Variants in ZBTB1 observed in about 807,000 individuals in gnomAD.
ZBTB1 encodes zinc finger and BTB domain containing 1, also known as zinc finger and BTB domain-containing protein 1.
In ZBTB1, 13 loss-of-function variants were observed where a neutral mutation model predicts 51.6. The ratio of observed to expected loss-of-function variants is 0.25; its 90% confidence interval spans 0.16 to 0.40. ZBTB1 has a LOEUF of 0.40. Ranked by LOEUF, ZBTB1 falls within the 10% of genes least tolerant of loss-of-function variation. ZBTB1 has a pLI of 1.00. For synonymous variants in ZBTB1, 240 were observed against 282.2 expected (o/e 0.85, Z 1.50); for missense variants, 567 against 856.5 (o/e 0.66, Z 4.22).
chr14:64,512,085 G>GT (rs1202002817), intron 1 of ZBTB1, among the ~76,000 whole-genome samples: 2 of 152,122 alleles, frequency 1.3e-5, no homozygotes, highest in Non-Finnish European at 2.9e-5. Context: ...TCTATAAACT[G>GT]TAATTATGAC....
chr14:64,522,676 GA>G lies in ZBTB1; in HGVS notation c.1174del (p.Met392CysfsTer3), dbSNP rs769707462. On this transcript the variant is annotated frameshift_variant, in exon 2 of 2. Coordinates refer to ENST00000683701, the MANE Select transcript of ZBTB1 (RefSeq NM_001123329.2). LOFTEE classifies it high-confidence loss of function. ...KKSGRKTLKP[R>X]MSVSADERGG... ...AGTGGTAGGAAAACTCTAAAACCTC[GA>G]ATGTCAGTAAGTGCTGATGAAAGAG... The G allele has an allele frequency of 6.2e-7, 1 of 1,614,120 alleles. No individual in the cohort carries two copies. Among genetic ancestry groups the G allele is most frequent in the South Asian group, 1.1e-5 (1 of 91,074 alleles).
At chr14:64,504,498 G>A (rs574558620), upstream of ZBTB1, 6 of 162,132 alleles carry the variant, frequency 3.7e-5, no homozygotes, top group South Asian at 6.1e-4. Flanking sequence ...CTTGAGAGGG[G>A]CAAGAGGGGT....
intron 1 of ZBTB1, among the ~76,000 whole-genome samples, chr14:64,517,781 A>ATATATATATATATATT (rs1160337478): frequency 4.8e-5 from 2 of 41,550 alleles, no homozygotes; most frequent in African/African-American, 1.8e-4. Flanking sequence ...ATATATATAT[A>ATATATATATATATATT]TTTTTTTTTT....
At chr14:64,506,622 C>T (rs571499344) in intron 1 of ZBTB1, among the ~76,000 whole-genome samples, 19 of 152,328 alleles carry the variant, frequency 1.2e-4, no homozygotes, top group African/African-American at 4.3e-4. Flanking sequence ...AACATAACGT[C>T]TACAGTAGAG....
rs1305321179 is a variant in ZBTB1 at position 64,523,601 on chromosome 14, A to G, written c.2097A>G (p.Lys699=). 2 of 1,551,890 alleles carry G rather than the reference A, an allele frequency of 1.3e-6. No individual in the cohort carries two copies. Among genetic ancestry groups the G allele is most frequent in the African/African-American group, 1.4e-5 (1 of 73,062 alleles). ...GTGGAGCAAAATTTAATTTGAGGAA[A>G]GATATGAGATCACATTATAATGCCA... ...GICGAKFNLR[K]DMRSHYNAKH... is the part of the protein sequence containing the mutation. Residue 699 remains lysine, a synonymous_variant, in exon 2 of 2, where the codon AAA becomes AAG. Transcript: ENST00000683701. The surrounding 1 kb of genome is among the most constrained non-coding windows in gnomAD (Gnocchi z 4.5).
intron 1 of ZBTB1, among the ~76,000 whole-genome samples, chr14:64,519,595 C>G (rs1331129728): frequency 1.3e-5 from 2 of 148,610 alleles, no homozygotes; most frequent in Non-Finnish European, 3.0e-5. Flanking sequence ...AAGACCTTGT[C>G]TTTACTAAAA....
At position 64,522,424 on chromosome 14, in the gene ZBTB1, T is replaced by G. The variant is rs1248842017; in HGVS notation, c.920T>G (p.Val307Gly). The G allele has an allele frequency of 6.2e-7, 1 of 1,613,794 alleles. No individual in the cohort carries two copies. Residue 307 changes from valine to glycine, a missense_variant, in exon 2 of 2, where the codon GTG (valine) becomes GGG (glycine). Coordinates refer to ENST00000683701, the MANE Select transcript of ZBTB1 (RefSeq NM_001123329.2). Reference protein sequence around the residue: ...STTGSRKSSTVESEIASEEKS... With the variant: ...STTGSRKSSTGESEIASEEKS... ...ACTGGAAGCAGAAAAAGTAGCACAGTGGAGTCTGAAATAGCAAGCGAAGAG... is the reference window on the plus strand; with the variant it reads ...ACTGGAAGCAGAAAAAGTAGCACAGGGGAGTCTGAAATAGCAAGCGAAGAG...
At chr14:64,516,713 T>C (rs2079790265) in intron 1 of ZBTB1, 1 of 152,254 alleles carries the variant, frequency 6.6e-6, no homozygotes, top group Non-Finnish European at 1.5e-5. Context: ...GTGCTACTGC[T>C]GATGATCAAC....
chr14:64,525,705 A>G (rs186373393), downstream of ZBTB1, among the ~76,000 whole-genome samples: 1 of 152,296 alleles, frequency 6.6e-6, no homozygotes, highest in East Asian at 1.9e-4. Flanking sequence ...TAGTCTTTTG[A>G]TATGTACTAA....
chr14:64,528,524 A>G (rs191294095), downstream of ZBTB1, among the ~76,000 whole-genome samples: 2 of 152,250 alleles, frequency 1.3e-5, no homozygotes, highest in Admixed American at 6.5e-5. Context: ...CTGGGGGAAC[A>G]TACCCTTGTA....
chr14:64,515,357 C>T (rs1329738840), intron 1 of ZBTB1, among the ~76,000 whole-genome samples: 1 of 152,208 alleles, frequency 6.6e-6, no homozygotes, highest in East Asian at 1.9e-4. Context: ...AGCTGAAATA[C>T]AAGCTGTCCA....
intron 1 of ZBTB1, among the ~76,000 whole-genome samples, chr14:64,510,652 G>C (rs1177627675): frequency 6.6e-6 from 1 of 152,196 alleles, no homozygotes; most frequent in African/African-American, 2.4e-5. Context: ...TATGTTGCTT[G>C]AACATGAAGT....
chr14:64,514,573 T>C (rs1206875600), intron 1 of ZBTB1, among the ~76,000 whole-genome samples: 1 of 152,224 alleles, frequency 6.6e-6, no homozygotes, highest in Non-Finnish European at 1.5e-5. Flanking sequence ...AGGAAAAATA[T>C]TTCTGAAATC....
intron 2 of ZBTB1, among the ~76,000 whole-genome samples, chr14:64,530,749 A>C (rs1326116883): frequency 1.3e-5 from 2 of 152,222 alleles, no homozygotes; most frequent in Non-Finnish European, 2.9e-5. Flanking sequence ...GAAGTCAATT[A>C]GTAGTGTCAA....
intron 1 of ZBTB1, among the ~76,000 whole-genome samples, chr14:64,512,512 T>C (rs2079735840): frequency 6.6e-6 from 1 of 152,234 alleles, no homozygotes; most frequent in Non-Finnish European, 1.5e-5. Context: ...TATAGCTCCA[T>C]TATGTCTTTA....
At chr14:64,506,785 G>T (rs568868754) in intron 1 of ZBTB1, among the ~76,000 whole-genome samples, 1 of 152,264 alleles carries the variant, frequency 6.6e-6, no homozygotes, top group East Asian at 1.9e-4. Flanking sequence ...CTTTTTTGGG[G>T]TTTTTGTGGG....
At chr14:64,521,051 A>C (rs1163029187) in intron 1 of ZBTB1, among the ~76,000 whole-genome samples, 1 of 152,040 alleles carries the variant, frequency 6.6e-6, no homozygotes, top group Non-Finnish European at 1.5e-5. Context: ...TTTGTAGAGA[A>C]GAGGTCTCAC....
Position 64,522,341 on chromosome 14 carries a change from A to G in ZBTB1, c.837A>G (p.Ala279=). ...AAGATTCTTCCAAAACATTTTCTGC[A>G]CAGACGGACAAATACAGAGGAGACA... ...GEKDSSKTFS[A]QTDKYRGDTS... Residue 279 remains alanine, a synonymous_variant, in exon 2 of 2, where the codon GCA becomes GCG. Coordinates refer to ENST00000683701, the MANE Select transcript of ZBTB1 (RefSeq NM_001123329.2). 6.2e-7 allele frequency: 1 copy of G among 1,614,238 alleles called. No individual in the cohort carries two copies. The highest frequency in any genetic ancestry group is 8.5e-7 in the Non-Finnish European group (1 of 1,180,046).
At chr14:64,529,734 G>A (rs2079929300), downstream of ZBTB1, among the ~76,000 whole-genome samples, 1 of 152,166 alleles carries the variant, frequency 6.6e-6, no homozygotes, top group South Asian at 2.1e-4. Flanking sequence ...TTGTGTCACT[G>A]CACTCCAGCC....
Sources: allele counts gnomAD v4.1 joint callset (sites outside exome capture counted in the v4.1 genomes callset), GRCh38; gene constraint gnomAD v4.1.1; non-coding constraint Gnocchi (gnomAD v3.1); transcripts MANE v1.5; gene names NCBI Gene and HGNC (gene_info 2026-07-23, HGNC 2026-07-21).